The following TENT5C variants were observed in gnomAD, a reference collection of about 807,000 sequenced individuals.
The protein encoded by TENT5C is family with sequence similarity 46 member C.
In TENT5C, 5 loss-of-function variants were observed where a neutral mutation model predicts 22.2. That is an observed-to-expected ratio of 0.22 (90% CI 0.12 to 0.47). The LOEUF is 0.47. Among genes scored for constraint, TENT5C ranks in the 20% least tolerant of loss-of-function variants. The pLI is 0.99. For missense variants in TENT5C, 364 were observed against 500.9 expected, an observed-to-expected ratio of 0.73 and a Z score of 2.61; for synonymous variants, 199 against 195.4, an observed-to-expected ratio of 1.02 and a Z score of -0.15.
At chr1:117,606,376 G>A (rs1266049658) in intron 1 of TENT5C, among the ~76,000 whole-genome samples, 1 of 152,120 alleles carries the variant, frequency 6.6e-6, no homozygotes, top group Non-Finnish European at 1.5e-5. Context: ...TGACACACCC[G>A]TCCCAAAGGG....
intron 1 of TENT5C, among the ~76,000 whole-genome samples, chr1:117,621,130 A>G (rs975463867): frequency 3.3e-5 from 5 of 152,158 alleles, no homozygotes; most frequent in Admixed American, 3.3e-4. Context: ...TAGATAGCCT[A>G]GGACTTTTTA....
Position 117,623,263 on chromosome 1 carries a change from T to A in TENT5C, c.395T>A (p.Val132Asp). 1 of 1,614,078 alleles carries A rather than the reference T, an allele frequency of 6.2e-7. No homozygotes were observed. The highest frequency in any genetic ancestry group is 8.5e-7 in the Non-Finnish European group (1 of 1,180,016). The change falls in exon 2 of 2, where the codon GTC (valine) becomes GAC (aspartate). Residue 132 changes from valine to aspartate, a missense_variant. Val to Asp is a radical substitution (Grantham distance 152). Transcript: ENST00000369448. ...EGVNKLKISP[V>D]TLKEAYVQKL... ...GTGAACAAGCTCAAAATCAGTCCAG[T>A]CACTCTGAAGGAGGCATATGTGCAG...
intron 1 of TENT5C, among the ~76,000 whole-genome samples, chr1:117,610,721 G>A (rs1202083828): frequency 5.9e-5 from 9 of 152,132 alleles, no homozygotes. Context: ...TAGAGATGGG[G>A]TTTCACCATG....
chr1:117,623,408 T>C lies in TENT5C; in HGVS notation c.540T>C (p.Ser180=). The C allele has an allele frequency of 6.2e-7, 1 of 1,614,096 alleles. No homozygotes were observed. The highest frequency in any genetic ancestry group is 8.5e-7 in the Non-Finnish European group (1 of 1,180,026). Residue 180 remains serine (S), a synonymous_variant, in exon 2 of 2, where the codon AGT becomes AGC. Coordinates refer to ENST00000369448, the MANE Select transcript of TENT5C (RefSeq NM_017709.4). Reference sequence around the variant, plus strand: ...CCATTCGGCGTCAGTTTGAGTTCAGTGTGGACTCTTTCCAAATCATCCTGG... The same window carrying C: ...CCATTCGGCGTCAGTTTGAGTTCAGCGTGGACTCTTTCCAAATCATCCTGG... ...VDSIRRQFEF[S]VDSFQIILDS... is the part of the protein sequence containing the mutation.
intron 1 of TENT5C, among the ~76,000 whole-genome samples, chr1:117,615,636 A>G (rs1775830): frequency 1.3e-5 from 2 of 152,176 alleles, no homozygotes; most frequent in African/African-American, 4.8e-5. Flanking sequence ...CTCTGCATGT[A>G]TTAGCACCTG....
intron 1 of TENT5C, among the ~76,000 whole-genome samples, chr1:117,611,703 TG>T (rs1442799815): frequency 6.6e-6 from 1 of 151,980 alleles, no homozygotes; most frequent in Non-Finnish European, 1.5e-5. Flanking sequence ...AAAAATTAGC[TG>T]GGTGTGGTGG....
At chr1:117,606,492 A>C (rs1404518887) in intron 1 of TENT5C, among the ~76,000 whole-genome samples, 1 of 152,178 alleles carries the variant, frequency 6.6e-6, no homozygotes, top group Non-Finnish European at 1.5e-5. Flanking sequence ...CGCGCTGGCC[A>C]GGCGCGGGCA....
chr1:117,624,099 G>A lies in TENT5C; in HGVS notation c.*55G>A. On this transcript the variant is annotated 3_prime_UTR_variant, in exon 2 of 2. Coordinates refer to ENST00000369448, the MANE Select transcript of TENT5C (RefSeq NM_017709.4). ...AACCCCAATAGGGCTAGGGCTCTCA[G>A]GTAGGGGAGCCTCCTTCTAGATGTA... 1 of 1,437,498 alleles carries A rather than the reference G, an allele frequency of 7.0e-7. No individual in the cohort carries two copies. The highest frequency in any genetic ancestry group is 9.4e-7 in the Non-Finnish European group (1 of 1,060,636). 89.0% of individuals were successfully genotyped at this position (1,437,498 alleles called of 1,614,324 possible). A position where few individuals can be genotyped will look rare whatever the true frequency, so the allele number is the denominator to read the frequency against.
chr1:117,617,361 T>C (rs1379608631), intron 1 of TENT5C, among the ~76,000 whole-genome samples: 2 of 151,780 alleles, frequency 1.3e-5, no homozygotes, highest in Non-Finnish European at 1.5e-5. Flanking sequence ...TTCCTTTCTT[T>C]TGCTGCTATC....
rs1653977823 is a variant in TENT5C at position 117,624,983 on chromosome 1, T to A, written c.*939T>A. ...GAGGATTGTGCTGAGTCCAGAGTCA[T>A]TGTGGTAACTGACATGAGGGTCTTC... On this transcript the variant is annotated 3_prime_UTR_variant, in exon 2 of 2. Coordinates refer to ENST00000369448, the MANE Select transcript of TENT5C (RefSeq NM_017709.4). 1 of 248,016 alleles carries A rather than the reference T, an allele frequency of 4.0e-6. No individual in the cohort carries two copies. Among genetic ancestry groups the A allele is most frequent in the Non-Finnish European group, 8.5e-6 (1 of 118,116 alleles). 15.4% of individuals were successfully genotyped at this position (248,016 alleles called of 1,614,324 possible).
At chr1:117,611,260 CTCA>C (rs1653665888) in intron 1 of TENT5C, among the ~76,000 whole-genome samples, 1 of 152,210 alleles carries the variant, frequency 6.6e-6, no homozygotes, top group Admixed American at 6.5e-5. Flanking sequence ...GACGCGTACA[CTCA>C]TCAAGTGCCT....
intron 1 of TENT5C, among the ~76,000 whole-genome samples, chr1:117,610,376 C>T (rs987675767): frequency 2.0e-5 from 3 of 152,152 alleles, no homozygotes; most frequent in African/African-American, 7.2e-5. Context: ...CCCTTCTTTG[C>T]CTCACAGAAC....
intron 1 of TENT5C, among the ~76,000 whole-genome samples, chr1:117,619,174 A>G: frequency 6.6e-6 from 1 of 152,252 alleles, no homozygotes; most frequent in Admixed American, 6.5e-5. Context: ...TAGACTTACC[A>G]GAAGTAGAAT....
Position 117,623,574 on chromosome 1 carries a change from C to A in TENT5C, c.706C>A (p.Pro236Thr), listed in dbSNP as rs1231378622. The change falls in exon 2 of 2, where the codon CCA becomes ACA. Residue 236 changes from proline (P) to threonine (T), a missense_variant. Coordinates refer to ENST00000369448, the MANE Select transcript of TENT5C (RefSeq NM_017709.4). ...GAACAGACTGATCGCCACCAAGAAC[C>A]CAGAAGAAATCAGAGGCGGGGGACT... The part of the protein sequence containing the change: ...LQNRLIATKN[P>T]EEIRGGGLLK... 1.9e-6 allele frequency: 3 copies of A among 1,613,948 alleles called. No individual in the cohort carries two copies. The highest frequency in any genetic ancestry group is 1.7e-6 in the Non-Finnish European group (2 of 1,180,004).
intron 1 of TENT5C, among the ~76,000 whole-genome samples, chr1:117,619,679 G>C (rs1653854748): frequency 6.6e-6 from 1 of 151,700 alleles, no homozygotes; most frequent in Non-Finnish European, 1.5e-5. Context: ...TTCAGTCTTT[G>C]ATCTGTCCAA....
chr1:117,624,470 A>T lies in TENT5C; in HGVS notation c.*426A>T, dbSNP rs1216423182. On this transcript the variant is annotated 3_prime_UTR_variant, in exon 2 of 2. Transcript: ENST00000369448. ...CCCTCACTTGGGATTCTCAGCAGTT[A>T]CATGAAAGTTGTGCTGATAATCTCT... is the stretch of plus-strand genomic sequence containing the variant. 1 of 257,588 alleles carries T rather than the reference A, an allele frequency of 3.9e-6. No homozygotes were observed. The highest frequency in any genetic ancestry group is 1.2e-3 in the Middle Eastern group (1 of 806). The allele number at this position is 257,588 out of a possible 1,614,324, so 16.0% of individuals were successfully genotyped here.
intron 1 of TENT5C, among the ~76,000 whole-genome samples, chr1:117,606,867 G>A (rs1468263680): frequency 6.6e-6 from 1 of 152,226 alleles, no homozygotes; most frequent in African/African-American, 2.4e-5. Context: ...TGTGCGCTGC[G>A]CGTCTCTCAG....
chr1:117,624,650 A>G lies in TENT5C; in HGVS notation c.*606A>G, dbSNP rs1653972428. On this transcript the variant is annotated 3_prime_UTR_variant, in exon 2 of 2. Coordinates refer to ENST00000369448, the MANE Select transcript of TENT5C (RefSeq NM_017709.4). ...AATAAACCAAAGCCAATAGCTGGAG[A>G]ATTGAGATCTGGTTGAAAGTGGTTT... The G allele has an allele frequency of 4.0e-6, 1 of 248,330 alleles. No individual in the cohort carries two copies. The highest frequency in any genetic ancestry group is 8.5e-6 in the Non-Finnish European group (1 of 118,308). The allele number at this position is 248,330 out of a possible 1,614,324, so 15.4% of individuals were successfully genotyped here. A position where few individuals can be genotyped will look rare whatever the true frequency, so the allele number is the denominator to read the frequency against.
rs1235848400 is a variant in TENT5C, at chr1:117,628,049, C to T, written c.*4005C>T. The T allele has an allele frequency of 4.0e-6, 1 of 247,874 alleles. No homozygotes were observed. Among genetic ancestry groups the T allele is most frequent in the East Asian group, 6.0e-5 (1 of 16,574 alleles). 15.4% of individuals were successfully genotyped at this position (247,874 alleles called of 1,614,324 possible). ...AAAGAGGAAGTAGCTAAATACAGAT[C>T]TGTGGGTGTTTTTAAAAAAACTCAA... On this transcript the variant is annotated 3_prime_UTR_variant, in exon 2 of 2. Coordinates refer to ENST00000369448, the MANE Select transcript of TENT5C (RefSeq NM_017709.4).
Sources: gnomAD v4.1 joint callset for allele counts (sites outside exome capture counted in the v4.1 genomes callset) on GRCh38, gnomAD v4.1.1 for gene constraint, MANE v1.5 for transcripts, NCBI Gene and HGNC (gene_info 2026-07-23, HGNC 2026-07-21) for gene names.